The following VPS13B variants were observed in gnomAD, a reference collection of about 807,000 sequenced individuals.
VPS13B encodes the protein intermembrane lipid transfer protein VPS13B.
A neutral mutation model predicts 426.4 loss-of-function variants in VPS13B; 285 were observed. The observed-to-expected ratio is 0.67, with a 90% CI of 0.61 to 0.74. The LOEUF (loss-of-function observed/expected upper bound fraction) is 0.74, where lower values mean the gene tolerates loss of function less well. Among genes scored for constraint, VPS13B ranks in the 30% least tolerant of loss-of-function variants. The pLI is 0.00. For missense variants in VPS13B, 4,537 were observed against 4,782.6 expected, an observed-to-expected ratio of 0.95 and a Z score of 1.51; for synonymous variants, 1,676 against 1,676.4, an observed-to-expected ratio of 1.00 and a Z score of 0.01.
At chr8:99,286,747 A>G (rs571253361) in intron 19 of VPS13B, among the ~76,000 whole-genome samples, 1 of 152,194 alleles carries the variant, frequency 6.6e-6, no homozygotes, top group Non-Finnish European at 1.5e-5. Context: ...GAGGCTTGCT[A>G]AATTCCAGAT....
intron 29 of VPS13B, among the ~76,000 whole-genome samples, chr8:99,513,689 A>T (rs1401408549): frequency 6.6e-6 from 1 of 152,216 alleles, no homozygotes; most frequent in Non-Finnish European, 1.5e-5. Context: ...TTCACACCAC[A>T]AAATATCAAT....
intron 17 of VPS13B, among the ~76,000 whole-genome samples, chr8:99,211,093 C>T (rs1158632478): frequency 6.6e-6 from 1 of 152,282 alleles, no homozygotes; most frequent in Non-Finnish European, 1.5e-5. Flanking sequence ...CCCTTACTCT[C>T]ATCCTTGTTA....
chr8:99,829,282 G>A (rs1158379222), intron 51 of VPS13B, among the ~76,000 whole-genome samples: 1 of 152,070 alleles, frequency 6.6e-6, no homozygotes, highest in Non-Finnish European at 1.5e-5. Flanking sequence ...ATTTCTTGGA[G>A]GCTTTGTTCG....
chr8:99,418,395 G>A (rs1816155870), intron 21 of VPS13B, among the ~76,000 whole-genome samples: 1 of 149,546 alleles, frequency 6.7e-6, no homozygotes, highest in Non-Finnish European at 1.5e-5. Flanking sequence ...TAGATATATT[G>A]TATTTTAAAA....
At chr8:99,425,103 C>T (rs558958803) in intron 21 of VPS13B, among the ~76,000 whole-genome samples, 1 of 152,194 alleles carries the variant, frequency 6.6e-6, no homozygotes, top group South Asian at 2.1e-4. Flanking sequence ...AGTCCAGGAC[C>T]AGGTGGATTC....
intron 19 of VPS13B, among the ~76,000 whole-genome samples, chr8:99,371,191 A>G (rs1349465498): frequency 6.6e-6 from 1 of 152,286 alleles, no homozygotes; most frequent in African/African-American, 2.4e-5. Flanking sequence ...CTAACACCAC[A>G]GTTTGTTGAA....
intron 24 of VPS13B, among the ~76,000 whole-genome samples, chr8:99,474,072 C>T (rs1236895742): frequency 2.6e-5 from 4 of 151,564 alleles, no homozygotes; most frequent in Admixed American, 6.6e-5. Flanking sequence ...TGATATTGGG[C>T]GTAATCAAGT....
chr8:99,827,363 G>A (rs1179475541), intron 51 of VPS13B, among the ~76,000 whole-genome samples: 1 of 152,162 alleles, frequency 6.6e-6, no homozygotes, highest in Non-Finnish European at 1.5e-5. Flanking sequence ...GCATAGAGGT[G>A]TTTATAGTAT....
rs368237887 is a variant in VPS13B, at chr8:99,172,447, T to C, written c.2333+2284T>C. On this transcript the variant is annotated intron_variant, in intron 16 of 61. Coordinates refer to ENST00000357162, the MANE Select transcript of VPS13B (RefSeq NM_152564.5). The stretch of plus-strand genomic sequence containing the variant: ...GACGGTCCTGTGAGATAAGATGATA[T>C]TGTCTCTTATAAACTCTTTCTAATT... Among the ~76,000 whole-genome samples the C allele has an allele frequency of 1.1e-4, 17 of 152,174 alleles. 1 individual carries two copies. The East Asian group carries it at 2.7e-3, about 24-fold the overall frequency.
intron 55 of VPS13B, among the ~76,000 whole-genome samples, chr8:99,851,665 C>T (rs978010042): frequency 6.6e-6 from 1 of 151,970 alleles, no homozygotes; most frequent in African/African-American, 2.4e-5. Context: ...CAACAACATG[C>T]CTGGCATCAA....
chr8:99,442,395 T>C lies in VPS13B; in HGVS notation c.3211-6T>C. The C allele has an allele frequency of 6.2e-7, 1 of 1,612,036 alleles. No homozygotes were observed. The highest frequency in any genetic ancestry group is 8.5e-7 in the Non-Finnish European group (1 of 1,178,166). ...CGAATATTTTAATTCTGCTTTTCTT[T>C]TCTAGCTTGAAGTACAATCTTGTTG... On this transcript the variant is annotated splice_polypyrimidine_tract_variant and splice_region_variant and intron_variant, in intron 22 of 61. Coordinates refer to ENST00000357162, the MANE Select transcript of VPS13B (RefSeq NM_152564.5).
intron 35 of VPS13B, among the ~76,000 whole-genome samples, chr8:99,686,995 G>A (rs1190231735): frequency 2.0e-5 from 3 of 152,000 alleles, no homozygotes; most frequent in Non-Finnish European, 4.4e-5. Context: ...ATCTTTGAGT[G>A]TCTCACCCAG....
chr8:99,313,663 T>G (rs1821139798), intron 19 of VPS13B, among the ~76,000 whole-genome samples: 1 of 152,168 alleles, frequency 6.6e-6, no homozygotes, highest in Admixed American at 6.5e-5. Flanking sequence ...TTTCAAACTC[T>G]GTGCTGGGAG....
intron 51 of VPS13B, among the ~76,000 whole-genome samples, chr8:99,825,082 G>A (rs1161319874): frequency 1.3e-5 from 2 of 151,990 alleles, no homozygotes; most frequent in Admixed American, 6.6e-5. Flanking sequence ...TATTCCTTTG[G>A]GTATATACCC....
intron 16 of VPS13B, among the ~76,000 whole-genome samples, chr8:99,181,274 C>T (rs575348492): frequency 6.6e-6 from 1 of 152,196 alleles, no homozygotes; most frequent in South Asian, 2.1e-4. Context: ...GAAAAAAGGT[C>T]ACAGAACAGA....
intron 43 of VPS13B, among the ~76,000 whole-genome samples, chr8:99,799,670 A>G (rs931523937): frequency 6.6e-6 from 1 of 152,214 alleles, no homozygotes; most frequent in African/African-American, 2.4e-5. Flanking sequence ...CATGATGACT[A>G]AAAAATGAAG....
At chr8:99,391,122 T>A (rs908544853) in intron 20 of VPS13B, among the ~76,000 whole-genome samples, 4 of 152,208 alleles carry the variant, frequency 2.6e-5, no homozygotes, top group Non-Finnish European at 4.4e-5. Context: ...GGATTTTTTT[T>A]ATAAGGATCC....
intron 44 of VPS13B, among the ~76,000 whole-genome samples, chr8:99,817,205 C>G (rs1814091635): frequency 6.6e-6 from 1 of 151,686 alleles, no homozygotes; most frequent in South Asian, 2.1e-4. Flanking sequence ...CCCTCTCTTT[C>G]AGGTAAACTA....
chr8:99,282,459 C>T (rs1241631545), intron 19 of VPS13B, among the ~76,000 whole-genome samples: 1 of 152,158 alleles, frequency 6.6e-6, no homozygotes, highest in African/African-American at 2.4e-5. Context: ...ATCTTTTTCA[C>T]ACGAACTACT....
Sources: gnomAD v4.1 joint callset for allele counts (sites outside exome capture counted in the v4.1 genomes callset) on GRCh38, gnomAD v4.1.1 for gene constraint, MANE v1.5 for transcripts, NCBI Gene and HGNC (gene_info 2026-07-23, HGNC 2026-07-21) for gene names.